Variants in MAML3 observed in about 807,000 individuals in gnomAD.
The protein encoded by MAML3 is mastermind-like protein 3.
In MAML3, 27 loss-of-function variants were observed where a neutral mutation model predicts 101.9. That is an observed-to-expected ratio of 0.27 (90% confidence interval 0.20 to 0.37). The LOEUF is 0.37. Ranked by LOEUF, MAML3 falls within the 10% of genes least tolerant of loss-of-function variation. The pLI, the probability that MAML3 is intolerant of heterozygous loss-of-function variation, is 1.00. For missense variants in MAML3, 1,316 were observed against 1,444.9 expected, an observed-to-expected ratio of 0.91 and a Z score of 1.45; for synonymous variants, 501 against 555.9, an observed-to-expected ratio of 0.90 and a Z score of 1.39.
intron 1 of MAML3, among the ~76,000 whole-genome samples, chr4:139,895,285 G>A (rs1732587379): frequency 6.6e-6 from 1 of 152,236 alleles, no homozygotes; most frequent in Non-Finnish European, 1.5e-5. Context: ...TGGTTCTTAA[G>A]AAATGTTGGC....
chr4:140,064,601 T>C (rs964109193), intron 1 of MAML3, among the ~76,000 whole-genome samples: 1 of 152,202 alleles, frequency 6.6e-6, no homozygotes, highest in South Asian at 2.1e-4. Context: ...AGCTTGGGCT[T>C]CTAGTTCCCA....
chr4:140,101,200 G>C (rs1463704420), intron 1 of MAML3, among the ~76,000 whole-genome samples: 1 of 152,094 alleles, frequency 6.6e-6, no homozygotes, highest in Non-Finnish European at 1.5e-5. Context: ...AATAATGGTT[G>C]TTTAAGCCGT....
At chr4:139,734,857 G>A (rs1728870001) in intron 2 of MAML3, among the ~76,000 whole-genome samples, 1 of 152,282 alleles carries the variant, frequency 6.6e-6, no homozygotes, top group African/African-American at 2.4e-5. Context: ...GCGGCGAGCA[G>A]GCTGGGGTGA....
At chr4:139,877,426 C>G (rs1423103856) in intron 2 of MAML3, among the ~76,000 whole-genome samples, 1 of 151,850 alleles carries the variant, frequency 6.6e-6, no homozygotes, top group African/African-American at 2.4e-5. Context: ...TACTTTAAAG[C>G]TTGGAACTGT....
At chr4:140,026,239 T>A (rs1726821465) in intron 1 of MAML3, among the ~76,000 whole-genome samples, 1 of 152,130 alleles carries the variant, frequency 6.6e-6, no homozygotes, top group Non-Finnish European at 1.5e-5. Context: ...TATACATCTT[T>A]AAATTTTTAT....
chr4:139,872,906 C>T lies in MAML3; in HGVS notation c.2079+16451G>A, dbSNP rs374683228. On this transcript the variant is annotated intron_variant, in intron 2 of 4. Coordinates refer to ENST00000509479, the MANE Select transcript of MAML3 (RefSeq NM_018717.5). ...CAGTCTGGCCAACATGGCAACACCC[C>T]GTCTATACTAAAAATATTAAAAAAA... Among the ~76,000 whole-genome samples, 39 of 151,928 alleles carry T rather than the reference C, an allele frequency of 2.6e-4. 1 individual carries two copies. The South Asian group carries it at 6.7e-3, about 26-fold the overall frequency.
At chr4:140,089,937 T>C (rs1007412108) in intron 1 of MAML3, among the ~76,000 whole-genome samples, 1 of 152,224 alleles carries the variant, frequency 6.6e-6, no homozygotes. Context: ...GTGGTAGCGG[T>C]TAATCCAGGC....
intron 2 of MAML3, among the ~76,000 whole-genome samples, chr4:139,838,131 C>T (rs919145606): frequency 4.0e-5 from 6 of 151,618 alleles, no homozygotes; most frequent in African/African-American, 1.5e-4. Flanking sequence ...TTTCCCAGAT[C>T]ACCATTATAG....
At chr4:139,774,063 A>T (rs558994736) in intron 2 of MAML3, among the ~76,000 whole-genome samples, 1 of 152,298 alleles carries the variant, frequency 6.6e-6, no homozygotes, top group East Asian at 1.9e-4. Context: ...CTTCATCTTT[A>T]CAAACAAGGA....
intron 1 of MAML3, among the ~76,000 whole-genome samples, chr4:139,981,451 A>G (rs1290794104): frequency 6.6e-6 from 1 of 152,186 alleles, no homozygotes; most frequent in African/African-American, 2.4e-5. Flanking sequence ...ATGTAAAGAA[A>G]ATTTGCAAAG....
chr4:140,000,614 A>G (rs773681286), intron 1 of MAML3, among the ~76,000 whole-genome samples: 11 of 152,174 alleles, frequency 7.2e-5, no homozygotes, highest in South Asian at 4.1e-4. Flanking sequence ...ATCCCAGCCC[A>G]CTTCTTGAGA....
intron 2 of MAML3, among the ~76,000 whole-genome samples, chr4:139,842,916 T>C (rs1731387535): frequency 6.6e-6 from 1 of 151,628 alleles, no homozygotes; most frequent in Non-Finnish European, 1.5e-5. Context: ...TAGCTGGAAT[T>C]ATAGGTGTGT....
At chr4:139,994,635 G>C (rs1156431841) in intron 1 of MAML3, among the ~76,000 whole-genome samples, 1 of 152,078 alleles carries the variant, frequency 6.6e-6, no homozygotes, top group African/African-American at 2.4e-5. Context: ...ACTCCAGCCT[G>C]GGCAACAGAG....
chr4:139,792,293 G>C (rs10028659), intron 2 of MAML3, among the ~76,000 whole-genome samples: 7,921 of 152,166 alleles, frequency 0.052, 330 homozygotes, highest in African/African-American at 0.11. Context: ...CTATAACAAT[G>C]AGCAAACGAT....
intron 2 of MAML3, among the ~76,000 whole-genome samples, chr4:139,854,429 T>C (rs893313029): frequency 1.3e-5 from 2 of 149,144 alleles, no homozygotes; most frequent in African/African-American, 5.0e-5. Flanking sequence ...TCCCCCCACA[T>C]TCTATGCTAA....
chr4:139,826,016 T>C (rs1259210896), intron 2 of MAML3, among the ~76,000 whole-genome samples: 2 of 152,150 alleles, frequency 1.3e-5, no homozygotes, highest in Admixed American at 6.5e-5. Context: ...GGCTTTTCCA[T>C]GGGAGCCCTG....
chr4:139,830,410 A>ATTT (rs1157293904), intron 2 of MAML3, among the ~76,000 whole-genome samples: 110 of 121,272 alleles, frequency 9.1e-4, no homozygotes, highest in African/African-American at 1.8e-3. Context: ...ACGCTGTGCT[A>ATTT]TTTTTTTTTT....
intron 2 of MAML3, among the ~76,000 whole-genome samples, chr4:139,855,162 G>T (rs570866647): frequency 2.0e-5 from 3 of 152,314 alleles, no homozygotes; most frequent in South Asian, 2.1e-4. Context: ...GATGAATGGG[G>T]TATAGCTGGA....
intron 2 of MAML3, among the ~76,000 whole-genome samples, chr4:139,795,511 T>A (rs1730497377): frequency 6.6e-6 from 1 of 152,228 alleles, no homozygotes; most frequent in Non-Finnish European, 1.5e-5. Flanking sequence ...CATCTTATTA[T>A]AGGAGCTTCT....
Sources: gnomAD v4.1 joint callset for allele counts (sites outside exome capture counted in the v4.1 genomes callset) on GRCh38, gnomAD v4.1.1 for gene constraint, MANE v1.5 for transcripts, NCBI Gene and HGNC (gene_info 2026-07-23, HGNC 2026-07-21) for gene names.